The following EYA2 variants were observed in gnomAD, a reference collection of about 807,000 sequenced individuals.
EYA2 encodes protein phosphatase EYA2.
A neutral mutation model predicts 69.2 loss-of-function variants in EYA2; 31 were observed. The ratio of observed to expected loss-of-function variants is 0.45; its 90% CI spans 0.34 to 0.60. The LOEUF is 0.60. Ranked by LOEUF, EYA2 falls within the 20% of genes least tolerant of loss-of-function variation. EYA2 has a pLI of 0.02. For missense variants in EYA2, 622 were observed against 701.2 expected (o/e 0.89, Z 1.28); for synonymous variants, 257 against 279.4 (o/e 0.92, Z 0.80).
chr20:47,077,632 A>G (rs1271195088), intron 7 of EYA2, among the ~76,000 whole-genome samples: 1 of 152,202 alleles, frequency 6.6e-6, no homozygotes, highest in Non-Finnish European at 1.5e-5. Context: ...ATCACTGGGA[A>G]TGAGTGAGTT....
At chr20:47,073,610 T>G (rs2031398290) in intron 6 of EYA2, among the ~76,000 whole-genome samples, 1 of 152,114 alleles carries the variant, frequency 6.6e-6, no homozygotes, top group African/African-American at 2.4e-5. Flanking sequence ...GATACAATAG[T>G]GACCAGGACA....
At position 47,004,952 on chromosome 20, in the gene EYA2, C is replaced by T. The variant is rs773864573; in HGVS notation, c.166C>T (p.Arg56Cys). ...VSQLFSRSCP[R>C]VLPRQPSTAM... ...CCTCTTTCCACACAGATCTTGCCCA[C>T]GTGTCCTCCCCCGCCAGCCTTCCAC... Residue 56 changes from arginine to cysteine, a missense_variant, in exon 4 of 16, where the codon CGT (arginine) becomes TGT (cysteine). Around this residue, in one of 2 missense-constraint regions of EYA2, gnomAD observed 365 missense variants for 349.7 expected, o/e 1.04. Transcript: ENST00000327619. 3.7e-6 allele frequency: 6 copies of T among 1,614,074 alleles called. No homozygotes were observed. The highest frequency in any genetic ancestry group is 5.1e-6 in the Non-Finnish European group (6 of 1,179,984).
At chr20:47,019,913 G>T (rs1053591736) in intron 5 of EYA2, among the ~76,000 whole-genome samples, 2 of 149,770 alleles carry the variant, frequency 1.3e-5, no homozygotes, top group African/African-American at 4.9e-5. Context: ...CAATGCTGCA[G>T]TAAGCCGTGA....
chr20:46,952,899 G>A (rs1221259616), intron 1 of EYA2, among the ~76,000 whole-genome samples: 1 of 152,184 alleles, frequency 6.6e-6, no homozygotes, highest in Non-Finnish European at 1.5e-5. Flanking sequence ...TTTGCCCAGG[G>A]AAACTCTCTA....
intron 5 of EYA2, among the ~76,000 whole-genome samples, chr20:47,037,635 A>G (rs1255859376): frequency 6.6e-6 from 1 of 152,100 alleles, no homozygotes. Flanking sequence ...CAACCTCCCA[A>G]GGCTGCCACT....
At chr20:46,987,999 G>GATATATATATATATATAT (rs1568707249) in intron 1 of EYA2, among the ~76,000 whole-genome samples, 1 of 37,118 alleles carries the variant, frequency 2.7e-5, no homozygotes, top group Non-Finnish European at 5.1e-5. Flanking sequence ...TATATATATG[G>GATATATATATATATATAT]GGCAAAAAAA....
chr20:47,105,032 T>A (rs547175894), intron 9 of EYA2, among the ~76,000 whole-genome samples: 20 of 152,134 alleles, frequency 1.3e-4, no homozygotes, highest in Non-Finnish European at 1.9e-4. Flanking sequence ...AAAATTTTTT[T>A]AAAAAATCAA....
At chr20:46,956,878 C>T (rs551328518) in intron 1 of EYA2, among the ~76,000 whole-genome samples, 11 of 152,182 alleles carry the variant, frequency 7.2e-5, no homozygotes, top group African/African-American at 2.7e-4. Flanking sequence ...TGGCAGCAGG[C>T]AAAAGAGAGC....
chr20:46,948,697 A>G (rs1978621693), intron 1 of EYA2, among the ~76,000 whole-genome samples: 2 of 152,232 alleles, frequency 1.3e-5, no homozygotes, highest in Admixed American at 1.3e-4. Context: ...CTGGAAAAAA[A>G]CAAAATAAAA....
intron 10 of EYA2, among the ~76,000 whole-genome samples, chr20:47,153,780 C>T (rs990935679): frequency 6.6e-6 from 1 of 151,920 alleles, no homozygotes; most frequent in Non-Finnish European, 1.5e-5. Flanking sequence ...GGCCTGGCAC[C>T]GTGGAAGGAA....
intron 10 of EYA2, among the ~76,000 whole-genome samples, chr20:47,165,981 G>A (rs1355913836): frequency 1.3e-5 from 2 of 152,014 alleles, no homozygotes; most frequent in Non-Finnish European, 2.9e-5. Flanking sequence ...CTTGAGCCCA[G>A]AAATTCAAGA....
chr20:46,996,102 T>C (rs1982000891), intron 2 of EYA2, among the ~76,000 whole-genome samples: 2 of 152,184 alleles, frequency 1.3e-5, no homozygotes, highest in Admixed American at 6.5e-5. Context: ...CTACGGTAGG[T>C]GCATGATAAA....
chr20:47,092,708 C>A (rs969731154), intron 8 of EYA2, among the ~76,000 whole-genome samples: 1 of 152,160 alleles, frequency 6.6e-6, no homozygotes, highest in Admixed American at 6.5e-5. Flanking sequence ...ATTCTGGAAA[C>A]ATCTGCTTCT....
At chr20:47,139,058 A>C (rs1254586698) in intron 9 of EYA2, among the ~76,000 whole-genome samples, 1 of 152,184 alleles carries the variant, frequency 6.6e-6, no homozygotes, top group Non-Finnish European at 1.5e-5. Flanking sequence ...CTTCCATTGA[A>C]ATTTCATTTC....
At chr20:47,128,529 GAAAA>G (rs559492759) in intron 9 of EYA2, among the ~76,000 whole-genome samples, 4 of 142,288 alleles carry the variant, frequency 2.8e-5, no homozygotes, top group Admixed American at 7.0e-5. Flanking sequence ...AGGCATTTAC[GAAAA>G]AAAAAAAAAT....
In EYA2 at chr20:47,066,030, T is replaced by TGA. The variant is rs10674695; in HGVS notation, c.416-6154_416-6153dup. Among the ~76,000 whole-genome samples the TGA allele has an allele frequency of 3.0e-3, 454 of 152,320 alleles. 1 individual carries two copies. Among genetic ancestry groups the TGA allele is most frequent in the African/African-American group, 0.01 (428 of 41,582 alleles). ...ATGAATGAACAAATTAATGATTGAA[T>TGA]GAATATCCACTTAAAAATTGTTTTG... On this transcript the variant is annotated intron_variant, in intron 5 of 15. Coordinates refer to ENST00000327619, the MANE Select transcript of EYA2 (RefSeq NM_005244.5).
intron 1 of EYA2, among the ~76,000 whole-genome samples, chr20:46,985,227 C>T (rs1279384291): frequency 6.6e-6 from 1 of 152,202 alleles, no homozygotes; most frequent in Non-Finnish European, 1.5e-5. Flanking sequence ...CCCTCTGCCC[C>T]TTCTTTCCTC....
At chr20:46,895,371 C>T (rs952638561) in intron 1 of EYA2, among the ~76,000 whole-genome samples, 15 of 152,346 alleles carry the variant, frequency 9.8e-5, no homozygotes, top group Non-Finnish European at 1.8e-4. Context: ...AAGGGGCGCT[C>T]CCCCAGTCCG....
intron 1 of EYA2, among the ~76,000 whole-genome samples, chr20:46,917,136 T>A (rs1284774429): frequency 6.6e-6 from 1 of 152,204 alleles, no homozygotes; most frequent in Non-Finnish European, 1.5e-5. Flanking sequence ...TCCTAACATC[T>A]TGTACTTCCT....
Sources: allele counts gnomAD v4.1 joint callset (sites outside exome capture counted in the v4.1 genomes callset), GRCh38; gene constraint gnomAD v4.1.1; regional missense constraint gnomAD v4.1.1; transcripts MANE v1.5; gene names NCBI Gene and HGNC (gene_info 2026-07-23, HGNC 2026-07-21).